Variants in ANTXR1 observed in about 807,000 individuals in gnomAD.
ANTXR1 encodes the protein ANTXR cell adhesion molecule 1, also known as anthrax toxin receptor 1.
ANTXR1 carries 19 observed loss-of-function variants against 78.1 expected under a neutral mutation model. The observed-to-expected ratio is 0.24, with a 90% confidence interval of 0.17 to 0.36. The LOEUF is 0.36. Among genes scored for constraint, ANTXR1 ranks in the 10% least tolerant of loss-of-function variants. The pLI, the probability that ANTXR1 is intolerant of heterozygous loss-of-function variation, is 1.00. For missense variants in ANTXR1, 518 were observed against 718.6 expected (o/e 0.72, Z 3.19); for synonymous variants, 273 against 260.5 (o/e 1.05, Z -0.46).
chr2:69,104,804 C>G (rs1221904116), intron 10 of ANTXR1, among the ~76,000 whole-genome samples: 1 of 152,212 alleles, frequency 6.6e-6, no homozygotes, highest in Non-Finnish European at 1.5e-5. Flanking sequence ...TAAGATGTGG[C>G]CAGGCACGGT....
intron 1 of ANTXR1, among the ~76,000 whole-genome samples, chr2:69,019,953 A>G (rs1046736408): frequency 1.3e-5 from 2 of 152,188 alleles, no homozygotes; most frequent in African/African-American, 4.8e-5. Context: ...GTGTATATAT[A>G]CCACATTTGC....
rs1393839059 is a variant in ANTXR1 at position 69,202,706 on chromosome 2, G to A, written c.1434+9291G>A. Among the ~76,000 whole-genome samples, 7 of 152,284 alleles carry A rather than the reference G, an allele frequency of 4.6e-5. No homozygotes were observed. The East Asian group carries it at 1.3e-3, about 29-fold the overall frequency. ...GCAGGAAGTGAGGACATCCCTGTGGGAAGTGATGGGCTCTGTTCTCCCTGT... is the reference window on the plus strand; with the variant it reads ...GCAGGAAGTGAGGACATCCCTGTGGAAAGTGATGGGCTCTGTTCTCCCTGT... On this transcript the variant is annotated intron_variant, in intron 17 of 17. Transcript: ENST00000303714.
chr2:69,133,398 C>CTTCTTACTCA (rs1476009079), intron 12 of ANTXR1, among the ~76,000 whole-genome samples: 1 of 152,162 alleles, frequency 6.6e-6, no homozygotes, highest in African/African-American at 2.4e-5. Context: ...ACACCCACCG[C>CTTCTTACTCA]TTCTTACTCA....
chr2:69,113,648 C>T (rs571711834), intron 10 of ANTXR1, among the ~76,000 whole-genome samples: 4 of 152,166 alleles, frequency 2.6e-5, no homozygotes, highest in African/African-American at 4.8e-5. Flanking sequence ...TGCCATAACC[C>T]GTGGCCATGA....
intron 1 of ANTXR1, among the ~76,000 whole-genome samples, chr2:69,034,488 C>T (rs901592450): frequency 6.6e-5 from 10 of 152,232 alleles, no homozygotes; most frequent in African/African-American, 2.4e-4. Context: ...GGTCTGGACC[C>T]TCTGTGCCAT....
chr2:69,245,494 G>A lies in ANTXR1; in HGVS notation c.*9G>A. The A allele has an allele frequency of 6.2e-7, 1 of 1,608,474 alleles. No individual in the cohort carries two copies. The highest frequency in any genetic ancestry group is 1.7e-5 in the Admixed American group (1 of 59,676). On this transcript the variant is annotated 3_prime_UTR_variant, in exon 18 of 18. Transcript: ENST00000303714. ...CAAGGCCTTCTGTCTAGAGCCCAAAGTTCCTGCTCTGGGCTCTCTCAGAAA... is the reference window on the plus strand; with the variant it reads ...CAAGGCCTTCTGTCTAGAGCCCAAAATTCCTGCTCTGGGCTCTCTCAGAAA...
Position 69,245,537 on chromosome 2 carries a change from ACAAGTCTTT to A in ANTXR1, c.*54_*62del. 1 of 1,606,308 alleles carries A rather than the reference ACAAGTCTTT, an allele frequency of 6.2e-7. No individual in the cohort carries two copies. The highest frequency in any genetic ancestry group is 8.5e-7 in the Non-Finnish European group (1 of 1,177,724). On this transcript the variant is annotated 3_prime_UTR_variant, in exon 18 of 18. Transcript: ENST00000303714. ...CTCAGAAACTTCAGGAGATGTTAGAACAAGTCTTTCCAGTTAGAGAAGAGGAGTGGTGAT... is the reference window on the plus strand; with the variant it reads ...CTCAGAAACTTCAGGAGATGTTAGAACCAGTTAGAGAAGAGGAGTGGTGAT...
At chr2:69,222,870 C>A (rs1255951223) in intron 17 of ANTXR1, among the ~76,000 whole-genome samples, 1 of 152,234 alleles carries the variant, frequency 6.6e-6, no homozygotes, top group African/African-American at 2.4e-5. Flanking sequence ...AGGTTCCATT[C>A]TGCATAAATT....
chr2:69,124,985 G>A lies in ANTXR1; in HGVS notation c.951+342G>A, dbSNP rs543905986. On this transcript the variant is annotated intron_variant, in intron 12 of 17. Transcript: ENST00000303714. The stretch of plus-strand genomic sequence containing the variant: ...AGAGTGGGTTTAGGAGAGAATGGAC[G>A]GAAGGGAATTGGACAGCATATACAG... Among the ~76,000 whole-genome samples the A allele has an allele frequency of 1.1e-4, 17 of 152,230 alleles. No homozygotes were observed. In the South Asian group the frequency reaches 2.7e-3, roughly 24 times the overall value.
intron 6 of ANTXR1, 51 bp downstream of exon 6, chr2:69,073,152 C>T (rs764736320): frequency 6.4e-6 from 10 of 1,567,450 alleles, no homozygotes; most frequent in Middle Eastern, 1.7e-4. Flanking sequence ...CGGGGCTTCT[C>T]CTTTCTAAAA....
At chr2:69,015,701 CATG>C (rs995768054) in intron 1 of ANTXR1, among the ~76,000 whole-genome samples, 2 of 151,944 alleles carry the variant, frequency 1.3e-5, no homozygotes, top group South Asian at 2.1e-4. Context: ...GCTTTTAAAA[CATG>C]ATAAGGAAGA....
chr2:69,087,392 A>G (rs571958071), intron 8 of ANTXR1, among the ~76,000 whole-genome samples: 1 of 152,194 alleles, frequency 6.6e-6, no homozygotes, highest in Non-Finnish European at 1.5e-5. Context: ...CAGAGAGGTT[A>G]TGGAACCTGC....
At chr2:69,063,689 A>G (rs1411464311) in intron 3 of ANTXR1, among the ~76,000 whole-genome samples, 1 of 152,168 alleles carries the variant, frequency 6.6e-6, no homozygotes, top group African/African-American at 2.4e-5. Flanking sequence ...ACAATTGACT[A>G]AGACAGAAAT....
At chr2:69,112,120 A>G (rs140165323) in intron 10 of ANTXR1, among the ~76,000 whole-genome samples, 1 of 152,308 alleles carries the variant, frequency 6.6e-6, no homozygotes, top group Non-Finnish European at 1.5e-5. Context: ...CATGTTCTTC[A>G]TGGGGATGCC....
rs768882905 is a variant in ANTXR1 at position 69,172,377 on chromosome 2, T to C, written c.1089+2088T>C. On this transcript the variant is annotated intron_variant, in intron 14 of 17. Transcript: ENST00000303714. Reference sequence around the variant, plus strand: ...AATGTATTTTGGCAGGAAAATAAAATAAAATAACAAGAAGAAGAAAGAAAG... The same window carrying C: ...AATGTATTTTGGCAGGAAAATAAAACAAAATAACAAGAAGAAGAAAGAAAG... 6.2e-6 allele frequency: 10 copies of C among 1,612,482 alleles called. No individual in the cohort carries two copies. The South Asian group carries it at 9.9e-5, about 16-fold the overall frequency.
At chr2:69,045,869 G>C (rs1669752565) in intron 3 of ANTXR1, among the ~76,000 whole-genome samples, 1 of 152,118 alleles carries the variant, frequency 6.6e-6, no homozygotes, top group Non-Finnish European at 1.5e-5. Flanking sequence ...AACAGAAGGA[G>C]AAACTGAGGC....
At chr2:69,066,327 G>A (rs1670399059) in intron 3 of ANTXR1, among the ~76,000 whole-genome samples, 1 of 150,696 alleles carries the variant, frequency 6.6e-6, no homozygotes, top group South Asian at 2.1e-4. Flanking sequence ...ACGGAGTTTT[G>A]CTCTTGTTCC....
chr2:69,061,097 C>A (rs1670225881), intron 3 of ANTXR1, among the ~76,000 whole-genome samples: 1 of 152,102 alleles, frequency 6.6e-6, no homozygotes, highest in Non-Finnish European at 1.5e-5. Flanking sequence ...TTGTAGAATC[C>A]TAGAAAGCTC....
intron 9 of ANTXR1, among the ~76,000 whole-genome samples, chr2:69,096,483 AGAGGGAGGGAGG>A (rs56655171): frequency 7.4e-6 from 1 of 135,586 alleles, no homozygotes; most frequent in Non-Finnish European, 1.6e-5. Flanking sequence ...AGAGAGAGAA[AGAGGGAGGGAGG>A]GAGGGAGGGA....
Sources: allele counts gnomAD v4.1 joint callset (sites outside exome capture counted in the v4.1 genomes callset), GRCh38; gene constraint gnomAD v4.1.1; transcripts MANE v1.5; gene names NCBI Gene and HGNC (gene_info 2026-07-23, HGNC 2026-07-21).